Variants in UTRN observed in about 807,000 individuals in gnomAD.
UTRN encodes dystrophin-related protein 1.
UTRN carries 283 observed loss-of-function variants against 463.9 expected under a neutral mutation model. That is an observed-to-expected ratio of 0.61 (90% CI 0.55 to 0.67). The LOEUF (loss-of-function observed/expected upper bound fraction) is 0.67. UTRN is among the 30% of genes least tolerant of loss of function. The pLI is 0.00. For missense variants in UTRN, 3,922 were observed against 4,084.3 expected, an observed-to-expected ratio of 0.96 and a Z score of 1.08; for synonymous variants, 1,442 against 1,431.5, an observed-to-expected ratio of 1.01 and a Z score of -0.17.
chr6:144,353,963 T>A (rs1291162423), intron 2 of UTRN, among the ~76,000 whole-genome samples: 1 of 152,168 alleles, frequency 6.6e-6, no homozygotes, highest in Non-Finnish European at 1.5e-5. Flanking sequence ...GTCGTTGTTG[T>A]GAAGGTGCTG....
chr6:144,494,386 C>T (rs6919846), intron 33 of UTRN, among the ~76,000 whole-genome samples: 6,240 of 151,966 alleles, frequency 0.041, 446 homozygotes, highest in African/African-American at 0.14. Flanking sequence ...CTTGTGGTCT[C>T]GCTGGCTTCA....
At chr6:144,808,607 G>A (rs1278187464) in intron 65 of UTRN, among the ~76,000 whole-genome samples, 1 of 151,938 alleles carries the variant, frequency 6.6e-6, no homozygotes, top group East Asian at 1.9e-4. Flanking sequence ...TGTACATTAG[G>A]TCTCCAGAAT....
intron 51 of UTRN, among the ~76,000 whole-genome samples, chr6:144,635,555 T>TTTTTTTTC (rs1777083969): frequency 7.4e-6 from 1 of 134,422 alleles, no homozygotes; most frequent in African/African-American, 3.0e-5. Flanking sequence ...TTTTTTTTTT[T>TTTTTTTTC]TTGAGAGGGA....
intron 50 of UTRN, among the ~76,000 whole-genome samples, chr6:144,572,100 TA>T (rs1422167093): frequency 6.6e-6 from 1 of 152,184 alleles, no homozygotes; most frequent in Admixed American, 6.5e-5. Context: ...GTATCCTTTG[TA>T]AGTTTTGTCA....
rs60324885 is a variant in UTRN at position 144,289,079 on chromosome 6, C to G, written c.-92-2658C>G. 2.2e-4 allele frequency among the ~76,000 whole-genome samples: 33 copies of G among 152,306 alleles called. No homozygotes were observed. In the East Asian group the frequency reaches 6.4e-3, roughly 29 times the overall value. The stretch of plus-strand genomic sequence containing the variant: ...CCTCCCAAAGAGCTGGGATTACAGG[C>G]ATGAGCCACCATGCTGGGCCCAACT... On this transcript the variant is annotated intron_variant, in intron 1 of 74. Transcript: ENST00000367545.
At chr6:144,610,064 A>G (rs993292257) in intron 51 of UTRN, among the ~76,000 whole-genome samples, 1 of 152,036 alleles carries the variant, frequency 6.6e-6, no homozygotes, top group African/African-American at 2.4e-5. Flanking sequence ...ACCAGAAGGA[A>G]GGAAAGAACA....
chr6:144,527,461 T>C (rs1157975983), intron 41 of UTRN, among the ~76,000 whole-genome samples: 6 of 152,276 alleles, frequency 3.9e-5, no homozygotes, highest in Admixed American at 3.9e-4. Context: ...CGTAACCTGA[T>C]GACCATGTGC....
chr6:144,800,363 T>C (rs1422546513), intron 64 of UTRN, among the ~76,000 whole-genome samples: 1 of 152,130 alleles, frequency 6.6e-6, no homozygotes, highest in Non-Finnish European at 1.5e-5. Context: ...AAAGAGCAAT[T>C]ATAAAGGGTG....
intron 2 of UTRN, among the ~76,000 whole-genome samples, chr6:144,372,324 C>T (rs1306033151): frequency 6.6e-6 from 1 of 152,156 alleles, no homozygotes; most frequent in Non-Finnish European, 1.5e-5. Flanking sequence ...CTCTGTTTTC[C>T]CATCTGTTAA....
At chr6:144,598,790 T>C (rs559665465) in intron 51 of UTRN, among the ~76,000 whole-genome samples, 36 of 152,308 alleles carry the variant, frequency 2.4e-4, no homozygotes, top group Non-Finnish European at 4.6e-4. Context: ...GAGGAAGTTA[T>C]AATGAGGCAT....
At chr6:144,292,014 T>G in intron 2 of UTRN, 107 bp downstream of exon 2, 5 of 1,067,210 alleles carry the variant, frequency 4.7e-6, no homozygotes, top group Middle Eastern at 2.2e-4. Context: ...GGAGGTGAAG[T>G]TCTTTTAAGA....
At chr6:144,672,351 T>C (rs1415583075) in intron 51 of UTRN, among the ~76,000 whole-genome samples, 1 of 152,006 alleles carries the variant, frequency 6.6e-6, no homozygotes, top group Non-Finnish European at 1.5e-5. Context: ...ACTAGTCTAT[T>C]CCGAGTTTCT....
Position 144,514,676 on chromosome 6 carries a change from C to G in UTRN, c.5100C>G (p.Ala1700=). 6.2e-7 allele frequency: 1 copy of G among 1,613,998 alleles called. No individual in the cohort carries two copies. The highest frequency in any genetic ancestry group is 8.5e-7 in the Non-Finnish European group (1 of 1,179,972). The change falls in exon 37 of 75, where the codon GCC becomes GCG. Residue 1700 remains alanine, a synonymous_variant. Coordinates refer to ENST00000367545, the MANE Select transcript of UTRN (RefSeq NM_007124.3). ...GTTTAGTATCTGAGCTGGATGATGC[C>G]AACCTCCAGGTTGAAAATGTCCGCG... The part of the protein sequence containing the change: ...VKRLVSELDD[A]NLQVENVRDQ...
intron 54 of UTRN, 149 bp from the exon 55 acceptor site, chr6:144,748,097 C>A: frequency 1.0e-6 from 1 of 966,020 alleles, no homozygotes. Context: ...TGGAGAAATT[C>A]TTTCTTACCC....
intron 54 of UTRN, among the ~76,000 whole-genome samples, chr6:144,747,606 A>G (rs1790901772): frequency 6.6e-6 from 1 of 152,182 alleles, no homozygotes; most frequent in Non-Finnish European, 1.5e-5. Context: ...TATTTCAGGC[A>G]TTGTGGAAGC....
chr6:144,633,232 T>TA (rs1318899648), intron 51 of UTRN, among the ~76,000 whole-genome samples: 1 of 150,240 alleles, frequency 6.7e-6, no homozygotes, highest in African/African-American at 2.5e-5. Flanking sequence ...TTCTCCTTTT[T>TA]TTTTTTTTTT....
At chr6:144,392,209 T>G (rs1781999981) in intron 2 of UTRN, among the ~76,000 whole-genome samples, 1 of 152,222 alleles carries the variant, frequency 6.6e-6, no homozygotes, top group South Asian at 2.1e-4. Context: ...TACTAAAAAT[T>G]CATTTTACCT....
intron 3 of UTRN, among the ~76,000 whole-genome samples, chr6:144,417,553 T>G (rs1304030510): frequency 6.6e-6 from 1 of 152,182 alleles, no homozygotes; most frequent in African/African-American, 2.4e-5. Flanking sequence ...GCTATCATTA[T>G]GTCTAAGAAC....
chr6:144,487,578 G>C lies in UTRN; in HGVS notation c.3853G>C (p.Asp1285His). 1 of 1,613,110 alleles carries C rather than the reference G, an allele frequency of 6.2e-7. No individual in the cohort carries two copies. The highest frequency in any genetic ancestry group is 8.5e-7 in the Non-Finnish European group (1 of 1,179,434). ...GGAATCTGTTCTGCGCCACCCGGCA[G>C]ATAATCGCACCCAGATTCGAGAGCT... ...SLESVLRHPA[D>H]NRTQIRELGQ... Residue 1285 changes from aspartate (D) to histidine (H), a missense_variant, in exon 29 of 75, where the codon GAT (aspartate) becomes CAT (histidine). By Grantham distance (81) the Asp-to-His change is moderately conservative. This residue lies in a region of UTRN where 2,349 missense variants were observed against 2,303.8 expected (regional missense o/e 1.02). Coordinates refer to ENST00000367545, the MANE Select transcript of UTRN (RefSeq NM_007124.3).
Sources: allele counts gnomAD v4.1 joint callset (sites outside exome capture counted in the v4.1 genomes callset), GRCh38; gene constraint gnomAD v4.1.1; regional missense constraint gnomAD v4.1.1; transcripts MANE v1.5; gene names NCBI Gene and HGNC (gene_info 2026-07-23, HGNC 2026-07-21).